NTN1: variants seen among roughly 807,000 people sequenced by gnomAD.
NTN1 encodes netrin-1.
NTN1 carries 11 observed loss-of-function variants against 54.2 expected under a neutral mutation model. The observed-to-expected ratio is 0.20, with a 90% CI of 0.13 to 0.34. The LOEUF is 0.34. Among genes scored for constraint, NTN1 ranks in the 10% least tolerant of loss-of-function variants. NTN1 has a pLI of 1.00. For synonymous variants in NTN1, 371 were observed against 382.0 expected, an observed-to-expected ratio of 0.97 and a Z score of 0.33; for missense variants, 740 against 893.1, an observed-to-expected ratio of 0.83 and a Z score of 2.18.
intron 5 of NTN1, among the ~76,000 whole-genome samples, chr17:9,217,045 CA>C (rs201848057): frequency 0.013 from 1,692 of 133,034 alleles, 22 homozygotes; most frequent in African/African-American, 0.04. Flanking sequence ...GACTCCGTCT[CA>C]AAAAAAAAAA....
At chr17:9,099,173 G>A (rs2092141324) in intron 2 of NTN1, among the ~76,000 whole-genome samples, 1 of 152,242 alleles carries the variant, frequency 6.6e-6, no homozygotes, top group African/African-American at 2.4e-5. Flanking sequence ...GGAGGCTGAG[G>A]CGGGTGGATC....
rs149266356 is a variant in NTN1, at chr17:9,121,139, A to G, written c.1019-41674A>G. 3.4e-4 allele frequency among the ~76,000 whole-genome samples: 52 copies of G among 152,262 alleles called. 1 individual carries two copies. The East Asian group carries it at 8.9e-3, about 26-fold the overall frequency. Reference sequence around the variant, plus strand: ...CCTGTCGGGGGGAGAGCTGGATGTCATCATTAAAAATCCCTGCAGCCGCTT... The same window carrying G: ...CCTGTCGGGGGGAGAGCTGGATGTCGTCATTAAAAATCCCTGCAGCCGCTT... On this transcript the variant is annotated intron_variant, in intron 2 of 6. Transcript: ENST00000173229.
chr17:9,057,591 T>G (rs1441078705), intron 2 of NTN1, among the ~76,000 whole-genome samples: 1 of 152,202 alleles, frequency 6.6e-6, no homozygotes, highest in African/African-American at 2.4e-5. Flanking sequence ...TGTAATACTT[T>G]GGCTGCTGTT....
intron 2 of NTN1, among the ~76,000 whole-genome samples, chr17:9,059,243 C>A (rs931126552): frequency 6.6e-6 from 1 of 152,108 alleles, no homozygotes; most frequent in South Asian, 2.1e-4. Context: ...GAGGAACTTA[C>A]GCAAATCCTC....
At chr17:9,150,856 C>A (rs2142288563) in intron 2 of NTN1, among the ~76,000 whole-genome samples, 1 of 152,264 alleles carries the variant, frequency 6.6e-6, no homozygotes, top group South Asian at 2.1e-4. Context: ...CCCCCGCTGT[C>A]CACTGGGGAG....
chr17:9,033,532 G>A (rs1329319103), intron 2 of NTN1, among the ~76,000 whole-genome samples: 1 of 152,230 alleles, frequency 6.6e-6, no homozygotes, highest in South Asian at 2.1e-4. Context: ...AGCACTTTGG[G>A]AGGCTGAGAC....
intron 2 of NTN1, among the ~76,000 whole-genome samples, chr17:9,132,453 A>G (rs1046700481): frequency 1.3e-5 from 2 of 151,690 alleles, no homozygotes; most frequent in African/African-American, 2.4e-5. Flanking sequence ...TCTCATGCCT[A>G]CTCCTTTGCT....
At chr17:9,132,456 C>T (rs2092268790) in intron 2 of NTN1, among the ~76,000 whole-genome samples, 1 of 152,216 alleles carries the variant, frequency 6.6e-6, no homozygotes, top group African/African-American at 2.4e-5. Context: ...CATGCCTACT[C>T]CTTTGCTAGA....
At chr17:9,101,097 C>T (rs1193516026) in intron 2 of NTN1, among the ~76,000 whole-genome samples, 1 of 152,144 alleles carries the variant, frequency 6.6e-6, no homozygotes, top group Non-Finnish European at 1.5e-5. Flanking sequence ...ATGTTAATAC[C>T]TTATTTGTGG....
At chr17:9,070,088 G>T (rs887242918) in intron 2 of NTN1, among the ~76,000 whole-genome samples, 1 of 152,012 alleles carries the variant, frequency 6.6e-6, no homozygotes, top group African/African-American at 2.4e-5. Context: ...TAAGAGGTTG[G>T]ACCCTGTACC....
intron 5 of NTN1, among the ~76,000 whole-genome samples, chr17:9,190,546 T>G (rs1047552962): frequency 1.3e-5 from 2 of 152,172 alleles, no homozygotes; most frequent in African/African-American, 4.8e-5. Context: ...AGATCACTAA[T>G]GCTGAGTAGA....
chr17:9,093,107 G>A (rs528250563), intron 2 of NTN1, among the ~76,000 whole-genome samples: 14 of 152,124 alleles, frequency 9.2e-5, no homozygotes, highest in Middle Eastern at 3.4e-3. Context: ...TGGCCAGGCC[G>A]GTCTTGAACT....
At chr17:9,157,747 G>A (rs1350772870) in intron 2 of NTN1, among the ~76,000 whole-genome samples, 3 of 152,364 alleles carry the variant, frequency 2.0e-5, no homozygotes, top group Admixed American at 2.0e-4. Flanking sequence ...GGCCTAGGCA[G>A]TGCTTCTGTC....
chr17:9,028,014 A>G (rs1394973391), intron 2 of NTN1, among the ~76,000 whole-genome samples: 1 of 151,688 alleles, frequency 6.6e-6, no homozygotes, highest in African/African-American at 2.4e-5. Context: ...AATCCTAGCT[A>G]CTAGGGAGGC....
intron 2 of NTN1, among the ~76,000 whole-genome samples, chr17:9,145,452 G>T (rs575848709): frequency 6.6e-6 from 1 of 152,308 alleles, no homozygotes; most frequent in East Asian, 1.9e-4. Flanking sequence ...GTCTGGGGAG[G>T]ACTAACCCCC....
chr17:9,180,002 G>A (rs757834202), intron 4 of NTN1, 46 bp downstream of exon 4: 1 of 1,579,836 alleles, frequency 6.3e-7, no homozygotes, highest in Non-Finnish European at 8.6e-7. Flanking sequence ...CTTTGTGGGG[G>A]ACAGTGAGCT....
the NTN1 span, among the ~76,000 whole-genome samples, chr17:9,007,613 C>CTCCT: frequency 4.1e-5 from 5 of 123,128 alleles, no homozygotes; most frequent in Non-Finnish European, 8.4e-5. Context: ...TTCCTTCCTT[C>CTCCT]TCCTTCCTTC....
intron 2 of NTN1, among the ~76,000 whole-genome samples, chr17:9,099,604 G>A (rs1057274990): frequency 3.1e-4 from 47 of 151,940 alleles, no homozygotes; most frequent in African/African-American, 1.1e-3. Context: ...ATAGATACGT[G>A]TTTGTATAGT....
intron 2 of NTN1, among the ~76,000 whole-genome samples, chr17:9,025,744 T>C (rs1228341253): frequency 6.6e-6 from 1 of 152,212 alleles, no homozygotes; most frequent in Non-Finnish European, 1.5e-5. Context: ...AAGGACAATT[T>C]AGGGGTGATT....
Sources: gnomAD v4.1 joint callset for allele counts (sites outside exome capture counted in the v4.1 genomes callset) on GRCh38, gnomAD v4.1.1 for gene constraint, MANE v1.5 for transcripts, NCBI Gene and HGNC (gene_info 2026-07-23, HGNC 2026-07-21) for gene names.